CORO1B: variants seen among roughly 807,000 people sequenced by gnomAD.
CORO1B encodes coronin-1B.
In CORO1B, 30 loss-of-function variants were observed where a neutral mutation model predicts 51.1. That is an observed-to-expected ratio of 0.59 (90% CI 0.44 to 0.80). The LOEUF (loss-of-function observed/expected upper bound fraction) is 0.80. CORO1B is among the 30% of genes least tolerant of loss of function. CORO1B has a pLI of 0.00. For synonymous variants in CORO1B, 310 were observed against 289.7 expected (o/e 1.07, Z -0.71); for missense variants, 648 against 700.4 (o/e 0.93, Z 0.84).
rs1242798005 is a variant in CORO1B, at chr11:67,435,740, G to A, written c.*2636C>T. 1 of 1,537,200 alleles carries A rather than the reference G, an allele frequency of 6.5e-7. No homozygotes were observed. The highest frequency in any genetic ancestry group is 8.7e-7 in the Non-Finnish European group (1 of 1,143,610). On this transcript the variant is annotated 3_prime_UTR_variant, in exon 11 of 11. Transcript: ENST00000341356. ...GGACACCAAGACCGGCCTCTACAGT[G>A]CGGTGACATGGAGGCCCTGGCCCCC...
rs1449487573 is a variant in CORO1B at position 67,435,786 on chromosome 11, C to T, written c.*2590G>A. On this transcript the variant is annotated 3_prime_UTR_variant, in exon 11 of 11. Transcript: ENST00000341356. ...CCCCCAGCTGCCCTGGCGCTGTCAT[C>T]CCAGGCTGCGCTGCCAGCAAAGGCG... 7 of 1,584,246 alleles carry T rather than the reference C, an allele frequency of 4.4e-6. No individual in the cohort carries two copies. The highest frequency in any genetic ancestry group is 6.0e-6 in the Non-Finnish European group (7 of 1,165,474).
Position 67,435,566 on chromosome 11 carries a change from G to T in CORO1B, c.*2810C>A. ...TGCCTGATGCCTGTGGTTGGGGGGG[G>T]CCGTTCCCGTGGTGAGCGGGGTACA... On this transcript the variant is annotated 3_prime_UTR_variant, in exon 11 of 11. Transcript: ENST00000341356. The T allele has an allele frequency of 5.8e-6, 6 of 1,036,774 alleles. No individual in the cohort carries two copies. Among genetic ancestry groups the T allele is most frequent in the Non-Finnish European group, 6.7e-6 (5 of 745,024 alleles). 64.2% of individuals were successfully genotyped at this position (1,036,774 alleles called of 1,614,324 possible).
At chr11:67,443,660 C>G (rs2135150714), upstream of CORO1B, 1 of 906,634 alleles carries the variant, frequency 1.1e-6, no homozygotes, top group Non-Finnish European at 1.3e-6. Context: ...GGTGGAGCGC[C>G]CCCACCGCAG....
Position 67,435,835 on chromosome 11 carries a change from A to G in CORO1B, c.*2541T>C. 6.2e-7 allele frequency: 1 copy of G among 1,607,606 alleles called. No homozygotes were observed. The highest frequency in any genetic ancestry group is 1.7e-5 in the Admixed American group (1 of 59,864). On this transcript the variant is annotated 3_prime_UTR_variant, in exon 11 of 11. Coordinates refer to ENST00000341356, the MANE Select transcript of CORO1B (RefSeq NM_020441.3). Reference sequence around the variant, plus strand: ...CGTGCAGGTCACTCAGCAGGGCCTCAGCACTGCCCCCTGCGCTCGCTGGTC... The same window carrying G: ...CGTGCAGGTCACTCAGCAGGGCCTCGGCACTGCCCCCTGCGCTCGCTGGTC...
rs770607931 is a variant in CORO1B at position 67,441,806 on chromosome 11, T to C, written c.381A>G (p.Val127=). The change falls in exon 4 of 11, where the codon GTA becomes GTG. Residue 127 remains valine (V), a synonymous_variant. Coordinates refer to ENST00000341356, the MANE Select transcript of CORO1B (RefSeq NM_020441.3). ...CCACTCGCTTGGTGTGCCCCTCCAG[T>C]ACCACCACCGGCTCTGTCAGCGGGG... The part of the protein sequence containing the change: ...LTSPLTEPVV[V]LEGHTKRVGI... 1.2e-6 allele frequency: 2 copies of C among 1,612,990 alleles called. No homozygotes were observed. Among genetic ancestry groups the C allele is most frequent in the East Asian group, 4.5e-5 (2 of 44,876 alleles).
rs1402165934 is a variant in CORO1B, at chr11:67,436,510, C to G, written c.*1866G>C. On this transcript the variant is annotated 3_prime_UTR_variant, in exon 11 of 11. Coordinates refer to ENST00000341356, the MANE Select transcript of CORO1B (RefSeq NM_020441.3). ...AAGGCCTTATTTGGTCAACCAGGCT[C>G]TGGCCCTGTGAGATCAGCCCCCATC... The G allele has an allele frequency of 2.4e-6, 2 of 841,652 alleles. No homozygotes were observed. Among genetic ancestry groups the G allele is most frequent in the Non-Finnish European group, 3.4e-6 (2 of 583,104 alleles). 52.1% of individuals were successfully genotyped at this position (841,652 alleles called of 1,614,324 possible). A position where few individuals can be genotyped will look rare whatever the true frequency, so the allele number is the denominator to read the frequency against.
chr11:67,437,756 C>T lies in CORO1B; in HGVS notation c.*620G>A, dbSNP rs780504756. On this transcript the variant is annotated 3_prime_UTR_variant, in exon 11 of 11. Coordinates refer to ENST00000341356, the MANE Select transcript of CORO1B (RefSeq NM_020441.3). The stretch of plus-strand genomic sequence containing the variant: ...TGCCCACATACCCCACCTGCCCCTC[C>T]CTGCTGCAGGACCCCTGGTCCACAC... 1.4e-5 allele frequency: 13 copies of T among 951,560 alleles called. No homozygotes were observed. The highest frequency in any genetic ancestry group is 4.3e-5 in the South Asian group (1 of 23,158). The allele number at this position is 951,560 out of a possible 1,614,324, so 58.9% of individuals were successfully genotyped here. A position where few individuals can be genotyped will look rare whatever the true frequency, so the allele number is the denominator to read the frequency against.
chr11:67,441,643 C>T, intron 4 of CORO1B, 90 bp downstream of exon 4: 1 of 1,552,222 alleles, frequency 6.4e-7, no homozygotes, highest in Non-Finnish European at 8.7e-7. Flanking sequence ...CCTCAGCTTT[C>T]CCATTTGTCA....
Position 67,436,570 on chromosome 11 carries a change from A to G in CORO1B, c.*1806T>C, listed in dbSNP as rs1166153483. 8.7e-6 allele frequency: 4 copies of G among 460,652 alleles called. No individual in the cohort carries two copies. Among genetic ancestry groups the G allele is most frequent in the Non-Finnish European group, 1.5e-5 (4 of 271,802 alleles). 28.5% of individuals were successfully genotyped at this position (460,652 alleles called of 1,614,324 possible). On this transcript the variant is annotated 3_prime_UTR_variant, in exon 11 of 11. Coordinates refer to ENST00000341356, the MANE Select transcript of CORO1B (RefSeq NM_020441.3). ...TCCTCCCTACCACTCACCTCCCCCAACAGCTGCATTAAGCCACCTGCCTGG... is the reference window on the plus strand; with the variant it reads ...TCCTCCCTACCACTCACCTCCCCCAGCAGCTGCATTAAGCCACCTGCCTGG...
Position 67,435,724 on chromosome 11 carries a change from G to A in CORO1B, c.*2652C>T, listed in dbSNP as rs762930015. 1 of 1,507,490 alleles carries A rather than the reference G, an allele frequency of 6.6e-7. No individual in the cohort carries two copies. Among genetic ancestry groups the A allele is most frequent in the South Asian group, 1.3e-5 (1 of 76,592 alleles). 93.4% of individuals were successfully genotyped at this position (1,507,490 alleles called of 1,614,324 possible). On this transcript the variant is annotated 3_prime_UTR_variant, in exon 11 of 11. Transcript: ENST00000341356. ...GGCTGTGACAGGGATGGGACACCAA[G>A]ACCGGCCTCTACAGTGCGGTGACAT...
chr11:67,439,086 T>G, intron 9 of CORO1B, 137 bp from the exon 10 acceptor site: 1 of 1,009,326 alleles, frequency 9.9e-7, no homozygotes, highest in Non-Finnish European at 1.4e-6. Flanking sequence ...GGCCTTTAAC[T>G]TCCTTTCTGG....
rs544264139 is a variant in CORO1B, at chr11:67,440,512, C to T, written c.757-73G>A. The T allele has an allele frequency of 5.7e-5, 80 of 1,406,470 alleles. No homozygotes were observed. The African/African-American group carries it at 1.0e-3, about 18-fold the overall frequency. 87.1% of individuals were successfully genotyped at this position (1,406,470 alleles called of 1,614,324 possible). A position where few individuals can be genotyped will look rare whatever the true frequency, so the allele number is the denominator to read the frequency against. The stretch of plus-strand genomic sequence containing the variant: ...AATCCCAAACCAGGACGGGCCTTAG[C>T]TGGCCTCACTAAGGCCAGCCAGCAC... On this transcript the variant is annotated intron_variant, in intron 6 of 10. Transcript: ENST00000341356.
upstream of CORO1B, chr11:67,443,572 G>T (rs1408329357): frequency 4.2e-6 from 3 of 710,970 alleles, no homozygotes; most frequent in Non-Finnish European, 5.2e-6. Context: ...GGGGCTGGGC[G>T]GGAGGCTGAG....
In CORO1B at chr11:67,441,113, C is replaced by A. The variant is rs201870792; in HGVS notation, c.756+12G>T. 1.2e-5 allele frequency: 19 copies of A among 1,612,948 alleles called. No individual in the cohort carries two copies. The highest frequency in any genetic ancestry group is 1.5e-5 in the Non-Finnish European group (18 of 1,179,988). On this transcript the variant is annotated intron_variant, in intron 6 of 10. Coordinates refer to ENST00000341356, the MANE Select transcript of CORO1B (RefSeq NM_020441.3). ...CAAGTCTCAAGTTTGCCCCCTCAGG[C>A]TGGCCACTCACTGGGTCCCAGAGCG... is the stretch of plus-strand genomic sequence containing the variant.
In CORO1B at chr11:67,438,917, G is replaced by A; in HGVS notation, c.1098C>T (p.Asp366=). Residue 366 remains aspartate, a synonymous_variant, in exon 10 of 11, where the codon GAC becomes GAT. Transcript: ENST00000341356. ...SDLFQDDLYP[D]TAGPEAALEA... is the part of the protein sequence containing the mutation. ...CCAGGGCTGCCTCGGGCCCGGCTGT[G>A]TCGGGGTACAGATCATCCTGGAAGA... The A allele has an allele frequency of 6.2e-7, 1 of 1,609,278 alleles. No individual in the cohort carries two copies. Among genetic ancestry groups the A allele is most frequent in the African/African-American group, 1.3e-5 (1 of 75,046 alleles).
chr11:67,441,349 C>A lies in CORO1B; in HGVS notation c.620G>T (p.Arg207Leu). Residue 207 changes from arginine (R) to leucine (L), a missense_variant, in exon 5 of 11, where the codon CGG (arginine) becomes CTG (leucine). By Grantham distance (102) the Arg-to-Leu change is moderately radical (BLOSUM62 -2). Transcript: ENST00000341356. Reference protein sequence around the residue: ...DKSVRIIDPRRGTLVAEREKA... With the variant: ...DKSVRIIDPRLGTLVAEREKA... ...GCCACGTACTGCCACCAGGGTGCCCCGACGGGGGTCGATGATGCGCACGCT... is the reference window on the plus strand; with the variant it reads ...GCCACGTACTGCCACCAGGGTGCCCAGACGGGGGTCGATGATGCGCACGCT... 1 of 1,613,636 alleles carries A rather than the reference C, an allele frequency of 6.2e-7. No homozygotes were observed. The highest frequency in any genetic ancestry group is 1.1e-5 in the South Asian group (1 of 91,082).
upstream of CORO1B, chr11:67,443,514 G>T: frequency 1.0e-6 from 1 of 956,966 alleles, no homozygotes; most frequent in Non-Finnish European, 1.2e-6. Flanking sequence ...GACCCGGAGC[G>T]GGGGCGGGGC....
intron 8 of CORO1B, 67 bp downstream of exon 8, chr11:67,440,051 G>A: frequency 6.5e-7 from 1 of 1,540,922 alleles, no homozygotes; most frequent in Non-Finnish European, 8.7e-7. Flanking sequence ...CTCCCAAGCA[G>A]CCTCCAATGA....
At chr11:67,438,634 GGGGCTCCCA>G (rs746139828) in intron 10 of CORO1B, 28 bp downstream of exon 10, 525 of 1,514,440 alleles carry the variant, frequency 3.5e-4, no homozygotes, top group Non-Finnish European at 4.4e-4. Flanking sequence ...GGCCACACCT[GGGGCTCCCA>G]GCACCACCCC....
Sources: allele counts gnomAD v4.1 joint callset, GRCh38; gene constraint gnomAD v4.1.1; transcripts MANE v1.5; gene names NCBI Gene and HGNC (gene_info 2026-07-23, HGNC 2026-07-21).